Variants in ACSL5 observed in about 807,000 individuals in gnomAD.
ACSL5 encodes the protein long-chain-fatty-acid--CoA ligase 5.
ACSL5 carries 50 observed loss-of-function variants against 84.9 expected under a neutral mutation model. The ratio of observed to expected loss-of-function variants is 0.59; its 90% CI spans 0.47 to 0.75. ACSL5 has a LOEUF of 0.75. Ranked by LOEUF, ACSL5 falls within the 30% of genes least tolerant of loss-of-function variation. ACSL5 has a pLI of 0.00. For synonymous variants in ACSL5, 280 were observed against 300.7 expected, an observed-to-expected ratio of 0.93 and a Z score of 0.71; for missense variants, 775 against 830.4, an observed-to-expected ratio of 0.93 and a Z score of 0.82.
chr10:112,401,831 TCTTTCTTTCTTC>T (rs1463434917), intron 3 of ACSL5, among the ~76,000 whole-genome samples: 4,976 of 118,214 alleles, frequency 0.042, 95 homozygotes, highest in East Asian at 0.11. Context: ...TTTCTTTCTT[TCTTTCTTTCTTC>T]CTTCCTTCCT....
intron 12 of ACSL5, among the ~76,000 whole-genome samples, chr10:112,416,035 G>A (rs1844305641): frequency 6.6e-6 from 1 of 152,138 alleles, no homozygotes; most frequent in Non-Finnish European, 1.5e-5. Flanking sequence ...AATCATTTTA[G>A]TAGGAAGGTA....
At chr10:112,405,382 C>T (rs189387156) in intron 5 of ACSL5, among the ~76,000 whole-genome samples, 5 of 152,268 alleles carry the variant, frequency 3.3e-5, no homozygotes, top group Admixed American at 2.6e-4. Context: ...ATATAACATA[C>T]AAAATCTGTG....
At chr10:112,409,764 G>C (rs1414578344) in intron 7 of ACSL5, 79 bp downstream of exon 7, 1 of 1,442,782 alleles carries the variant, frequency 6.9e-7, no homozygotes, top group East Asian at 2.3e-5. Flanking sequence ...TTCCCAAGAG[G>C]ACAGTGTTCT....
At chr10:112,404,242 G>A (rs544960267) in intron 3 of ACSL5, among the ~76,000 whole-genome samples, 1 of 152,328 alleles carries the variant, frequency 6.6e-6, no homozygotes, top group South Asian at 2.1e-4. Context: ...TTCTCTGAAT[G>A]TCTACATTAT....
intron 11 of ACSL5, chr10:112,412,233 G>T: frequency 2.2e-6 from 1 of 450,812 alleles, no homozygotes; most frequent in East Asian, 3.5e-5. Context: ...TGAGTCTAGT[G>T]ACATCACAGC....
chr10:112,409,487 G>C lies in ACSL5; in HGVS notation c.533-20G>C. ...TTAGCAGAGAGAGGGAATGACCTCT[G>C]GTTCTATTTTGGCTTCCAGCTGATA... On this transcript the variant is annotated intron_variant, in intron 6 of 20. Coordinates refer to ENST00000354655, the MANE Select transcript of ACSL5 (RefSeq NM_203379.2). The C allele has an allele frequency of 6.2e-7, 1 of 1,611,278 alleles. No homozygotes were observed. Among genetic ancestry groups the C allele is most frequent in the Non-Finnish European group, 8.5e-7 (1 of 1,178,862 alleles).
rs531860492 is a variant in ACSL5, at chr10:112,416,925, T to C, written c.1121T>C (p.Leu374Ser). 1.2e-6 allele frequency: 2 copies of C among 1,614,128 alleles called. No homozygotes were observed. Among genetic ancestry groups the C allele is most frequent in the Admixed American group, 3.3e-5 (2 of 60,022 alleles). Reference sequence around the variant, plus strand: ...GCCAAGACACCCTTGAAGAAGTTCTTGTTGAAGCTGGCTGTTTCCAGTAAA... The same window carrying C: ...GCCAAGACACCCTTGAAGAAGTTCTCGTTGAAGCTGGCTGTTTCCAGTAAA... ...NEAKTPLKKFLLKLAVSSKFK... is the reference protein window; with the variant it reads ...NEAKTPLKKFSLKLAVSSKFK... The change falls in exon 13 of 21, where the codon TTG (leucine) becomes TCG (serine). Residue 374 changes from leucine (L) to serine (S), a missense_variant. Physicochemically the swap from Leu to Ser is moderately radical, Grantham distance 145. Coordinates refer to ENST00000354655, the MANE Select transcript of ACSL5 (RefSeq NM_203379.2).
In ACSL5 at chr10:112,397,430, A is replaced by G. The variant is rs911518151; in HGVS notation, c.157-1471A>G. Reference sequence around the variant, plus strand: ...GATGATCCACCTGCCTTGGCCTCTCAAAGTGCTGAAATTACAGGCGTGAGC... The same window carrying G: ...GATGATCCACCTGCCTTGGCCTCTCGAAGTGCTGAAATTACAGGCGTGAGC... On this transcript the variant is annotated intron_variant, in intron 2 of 20. Transcript: ENST00000354655. Among the ~76,000 whole-genome samples the G allele has an allele frequency of 3.9e-5, 6 of 152,072 alleles. No individual in the cohort carries two copies. The East Asian group carries it at 1.2e-3, about 29-fold the overall frequency.
intron 2 of ACSL5, among the ~76,000 whole-genome samples, chr10:112,397,723 A>G (rs887560865): frequency 5.3e-5 from 8 of 152,124 alleles, no homozygotes; most frequent in Middle Eastern, 3.4e-3. Flanking sequence ...CCACTAATCC[A>G]TTTCCTCCAA....
At chr10:112,396,117 A>T (rs1163369259) in intron 2 of ACSL5, 1 of 152,006 alleles carries the variant, frequency 6.6e-6, no homozygotes, top group African/African-American at 2.4e-5. Flanking sequence ...TCATAACCTA[A>T]CTTCTAAATT....
At chr10:112,405,706 C>T (rs1429224246) in intron 5 of ACSL5, among the ~76,000 whole-genome samples, 3 of 152,110 alleles carry the variant, frequency 2.0e-5, no homozygotes, top group Admixed American at 6.5e-5. Context: ...AAAAAATCCA[C>T]AGATAACCCC....
At chr10:112,426,098 T>TA (rs1844688190) in intron 18 of ACSL5, among the ~76,000 whole-genome samples, 160 bp from the exon 19 acceptor site, 1 of 152,108 alleles carries the variant, frequency 6.6e-6, no homozygotes, top group South Asian at 2.1e-4. Flanking sequence ...TACAGTTCCA[T>TA]GGTGTTGAAA....
At chr10:112,386,424 C>T (rs1321637925) in intron 1 of ACSL5, among the ~76,000 whole-genome samples, 1 of 151,900 alleles carries the variant, frequency 6.6e-6, no homozygotes, top group Non-Finnish European at 1.5e-5. Flanking sequence ...GAACTCCTGA[C>T]CTCAAGTGAC....
Position 112,411,546 on chromosome 10 carries a change from A to G in ACSL5, c.870+17A>G. Reference sequence around the variant, plus strand: ...TGTGTGGAGGTCAGTGGTCAGTTGAAAAAGAGGCTCTCATTAAAATGTGAA... The same window carrying G: ...TGTGTGGAGGTCAGTGGTCAGTTGAGAAAGAGGCTCTCATTAAAATGTGAA... On this transcript the variant is annotated intron_variant, in intron 10 of 20. Coordinates refer to ENST00000354655, the MANE Select transcript of ACSL5 (RefSeq NM_203379.2). The G allele has an allele frequency of 6.2e-7, 1 of 1,603,348 alleles. No individual in the cohort carries two copies. Among genetic ancestry groups the G allele is most frequent in the African/African-American group, 1.3e-5 (1 of 74,722 alleles).
At chr10:112,414,538 A>G (rs1844272044) in intron 12 of ACSL5, among the ~76,000 whole-genome samples, 1 of 151,854 alleles carries the variant, frequency 6.6e-6, no homozygotes, top group African/African-American at 2.4e-5. Context: ...AATATTTTTT[A>G]GTAGAGATGG....
At chr10:112,397,953 C>T (rs951540824) in intron 2 of ACSL5, among the ~76,000 whole-genome samples, 7 of 152,046 alleles carry the variant, frequency 4.6e-5, no homozygotes, top group Non-Finnish European at 7.3e-5. Flanking sequence ...TATCATCTCT[C>T]CTCCATATAT....
chr10:112,376,242 A>G (rs1849235244), intron 1 of ACSL5: 46 of 1,586,090 alleles, frequency 2.9e-5, no homozygotes, highest in Non-Finnish European at 3.9e-5. Context: ...AAAGCCTGAC[A>G]TGGCCTGACT....
intron 3 of ACSL5, among the ~76,000 whole-genome samples, chr10:112,403,645 A>G (rs978546192): frequency 6.6e-6 from 1 of 152,222 alleles, no homozygotes; most frequent in Non-Finnish European, 1.5e-5. Context: ...AAAACTTGAT[A>G]TGATAGGAGA....
Position 112,410,247 on chromosome 10 carries a change from A to G in ACSL5, c.712-216A>G, listed in dbSNP as rs891247131. On this transcript the variant is annotated intron_variant, in intron 7 of 20. Transcript: ENST00000354655. Reference sequence around the variant, plus strand: ...AATGGGAAGTTTGAACATGCAATCTACCCTCTATAGGTAGATGATTTTCTA... The same window carrying G: ...AATGGGAAGTTTGAACATGCAATCTGCCCTCTATAGGTAGATGATTTTCTA... The G allele has an allele frequency of 2.0e-6, 3 of 1,527,548 alleles. No homozygotes were observed. In the Admixed American group the frequency reaches 5.9e-5, roughly 30 times the overall value. The allele number at this position is 1,527,548 out of a possible 1,614,324, so 94.6% of individuals were successfully genotyped here.
Sources: gnomAD v4.1 joint callset for allele counts (sites outside exome capture counted in the v4.1 genomes callset) on GRCh38, gnomAD v4.1.1 for gene constraint, MANE v1.5 for transcripts, NCBI Gene and HGNC (gene_info 2026-07-23, HGNC 2026-07-21) for gene names.